The following SDK1 variants were observed in gnomAD, a reference collection of about 807,000 sequenced individuals.
SDK1 encodes sidekick cell adhesion molecule 1.
In SDK1, 157 loss-of-function variants were observed where a neutral mutation model predicts 245.5. The observed-to-expected ratio is 0.64, with a 90% CI of 0.56 to 0.73. The LOEUF (loss-of-function observed/expected upper bound fraction) is 0.73. Among genes scored for constraint, SDK1 ranks in the 30% least tolerant of loss-of-function variants. The probability of loss-of-function intolerance (pLI) is 0.00; values close to 1 mark genes in which losing one functional copy is unlikely to be tolerated. For synonymous variants in SDK1, 1,647 were observed against 1,278.5 expected (o/e 1.29, Z -6.15); for missense variants, 3,583 against 3,002.3 (o/e 1.19, Z -4.52).
intron 42 of SDK1, among the ~76,000 whole-genome samples, chr7:4,238,250 TTG>T (rs1165840569): frequency 6.6e-6 from 1 of 152,012 alleles, no homozygotes; most frequent in African/African-American, 2.4e-5. Flanking sequence ...CGGCTAATTT[TTG>T]TATTTTTAGT....
chr7:3,926,755 C>T (rs565392383), intron 5 of SDK1, among the ~76,000 whole-genome samples: 61 of 152,342 alleles, frequency 4.0e-4, no homozygotes, highest in African/African-American at 1.4e-3. Flanking sequence ...CCGTAAGGCA[C>T]GGTGGTTCAG....
chr7:4,193,330 AAT>A (rs1337599141), intron 35 of SDK1, among the ~76,000 whole-genome samples: 36 of 130,920 alleles, frequency 2.7e-4, no homozygotes, highest in Non-Finnish European at 6.2e-5. Context: ...ACAATATATA[AAT>A]ATATTAATTT....
chr7:3,934,124 G>C (rs796589032), intron 5 of SDK1, among the ~76,000 whole-genome samples: 1 of 152,218 alleles, frequency 6.6e-6, no homozygotes, highest in Non-Finnish European at 1.5e-5. Context: ...TCTGTGAGTT[G>C]AACAGTGGTA....
intron 1 of SDK1, among the ~76,000 whole-genome samples, chr7:3,453,130 AC>A (rs545741400): frequency 2.9e-3 from 439 of 150,478 alleles, no homozygotes; most frequent in Non-Finnish European, 5.4e-3. Flanking sequence ...GAGCAGTTTA[AC>A]CCCCCCCGGT....
intron 28 of SDK1, among the ~76,000 whole-genome samples, chr7:4,136,689 G>A (rs535130811): frequency 2.0e-5 from 3 of 152,336 alleles, no homozygotes; most frequent in East Asian, 1.9e-4. Flanking sequence ...TTACGCTAAC[G>A]TGATGATGCG....
intron 9 of SDK1, among the ~76,000 whole-genome samples, chr7:3,964,872 C>G (rs1781977149): frequency 6.6e-6 from 1 of 152,134 alleles, no homozygotes. Context: ...GGGTCCCTTC[C>G]TTGAATCTTG....
chr7:3,399,208 T>G (rs190496074), intron 1 of SDK1, among the ~76,000 whole-genome samples: 13 of 152,222 alleles, frequency 8.5e-5, no homozygotes, highest in African/African-American at 2.9e-4. Flanking sequence ...ATTTGCTGGG[T>G]CTTTTTTCTG....
At chr7:3,516,744 T>G (rs1219620453) in intron 1 of SDK1, among the ~76,000 whole-genome samples, 6 of 152,302 alleles carry the variant, frequency 3.9e-5, no homozygotes, top group African/African-American at 1.2e-4. Context: ...ACTCTATTGT[T>G]TGACAACAGT....
At chr7:3,580,910 G>A (rs1357537717) in intron 1 of SDK1, among the ~76,000 whole-genome samples, 1 of 131,854 alleles carries the variant, frequency 7.6e-6, no homozygotes, top group South Asian at 2.5e-4. Context: ...AGAAGTTGCA[G>A]ATGAGCCGAG....
chr7:3,866,748 C>A (rs893581933), intron 5 of SDK1, among the ~76,000 whole-genome samples: 1 of 152,102 alleles, frequency 6.6e-6, no homozygotes, highest in African/African-American at 2.4e-5. Context: ...TGTACTGTTC[C>A]CAGGGCACAG....
At chr7:3,325,673 T>C (rs1176129743) in intron 1 of SDK1, among the ~76,000 whole-genome samples, 1 of 152,164 alleles carries the variant, frequency 6.6e-6, no homozygotes, top group Non-Finnish European at 1.5e-5. Flanking sequence ...TGTAAAATTA[T>C]TAATATTGCT....
At chr7:4,075,328 C>T (rs575468228) in intron 20 of SDK1, among the ~76,000 whole-genome samples, 1 of 152,292 alleles carries the variant, frequency 6.6e-6, no homozygotes, top group Non-Finnish European at 1.5e-5. Flanking sequence ...CAGTTTACGA[C>T]ATTAAATTTT....
chr7:4,247,207 C>T (rs929371), intron 44 of SDK1, among the ~76,000 whole-genome samples: 26,864 of 152,110 alleles, frequency 0.18, 2,877 homozygotes, highest in Non-Finnish European at 0.24. Context: ...TATTGAGCCC[C>T]GGGGCTCTAT....
At chr7:3,645,566 A>G (rs1782808150) in intron 4 of SDK1, among the ~76,000 whole-genome samples, 1 of 152,238 alleles carries the variant, frequency 6.6e-6, no homozygotes, top group Admixed American at 6.5e-5. Flanking sequence ...GATCACATGT[A>G]CCCTGAAACT....
At chr7:3,916,143 C>T (rs1313059841) in intron 5 of SDK1, among the ~76,000 whole-genome samples, 1 of 151,800 alleles carries the variant, frequency 6.6e-6, no homozygotes, top group Non-Finnish European at 1.5e-5. Flanking sequence ...GCAAGAGTAG[C>T]GGGGGGTGGG....
At chr7:4,057,069 G>T (rs1461732762) in intron 19 of SDK1, among the ~76,000 whole-genome samples, 3 of 152,152 alleles carry the variant, frequency 2.0e-5, no homozygotes, top group African/African-American at 7.2e-5. Flanking sequence ...GCACCCTGAG[G>T]TCAGACTCTC....
chr7:3,784,979 A>G (rs558257733), intron 4 of SDK1, among the ~76,000 whole-genome samples: 1 of 152,374 alleles, frequency 6.6e-6, no homozygotes, highest in Non-Finnish European at 1.5e-5. Flanking sequence ...ATAACTGGGT[A>G]AAGAAAACGT....
chr7:3,890,678 G>C (rs554459414), intron 5 of SDK1, among the ~76,000 whole-genome samples: 1 of 151,682 alleles, frequency 6.6e-6, no homozygotes, highest in Non-Finnish European at 1.5e-5. Context: ...GTGGTAGCTC[G>C]TGCCTGTAAT....
intron 44 of SDK1, among the ~76,000 whole-genome samples, chr7:4,248,004 C>T (rs1787006190): frequency 6.6e-6 from 1 of 152,172 alleles, no homozygotes; most frequent in African/African-American, 2.4e-5. Context: ...TTCCTAAAAG[C>T]ATTTTCAACA....
Sources: gnomAD v4.1 joint callset for allele counts (sites outside exome capture counted in the v4.1 genomes callset) on GRCh38, gnomAD v4.1.1 for gene constraint, MANE v1.5 for transcripts, NCBI Gene and HGNC (gene_info 2026-07-23, HGNC 2026-07-21) for gene names.